EYA1: variants seen among roughly 807,000 people sequenced by gnomAD.
EYA1 encodes protein phosphatase EYA1.
In EYA1, 16 loss-of-function variants were observed where a neutral mutation model predicts 82.0. The observed-to-expected ratio is 0.20, with a 90% CI of 0.13 to 0.30. EYA1 has a LOEUF of 0.30. Among genes scored for constraint, EYA1 ranks in the 10% least tolerant of loss-of-function variants. EYA1 has a pLI of 1.00. For synonymous variants in EYA1, 261 were observed against 264.4 expected (o/e 0.99, Z 0.12); for missense variants, 633 against 730.7 (o/e 0.87, Z 1.54).
intron 4 of EYA1, among the ~76,000 whole-genome samples, chr8:71,333,587 T>C (rs777468303): frequency 3.9e-5 from 6 of 152,222 alleles, no homozygotes; most frequent in Non-Finnish European, 7.3e-5. Flanking sequence ...ATTCTGTTTA[T>C]TGGAGGCAGG....
intron 9 of EYA1, among the ~76,000 whole-genome samples, chr8:71,298,604 G>C (rs1819844045): frequency 6.6e-6 from 1 of 152,164 alleles, no homozygotes; most frequent in Non-Finnish European, 1.5e-5. Context: ...ATGTGGGAAA[G>C]CAGAGGCTCA....
At chr8:71,271,164 T>A (rs1403956838) in intron 10 of EYA1, among the ~76,000 whole-genome samples, 3 of 152,216 alleles carry the variant, frequency 2.0e-5, no homozygotes, top group African/African-American at 7.2e-5. Context: ...TTTTTGTGGA[T>A]ACTAGGTGTA....
chr8:71,246,227 T>C (rs1471374909), intron 11 of EYA1, among the ~76,000 whole-genome samples: 2 of 152,326 alleles, frequency 1.3e-5, no homozygotes, highest in East Asian at 1.9e-4. Flanking sequence ...CAATAATTTA[T>C]GATATACTAT....
At chr8:71,271,018 G>A (rs2128950192) in intron 10 of EYA1, among the ~76,000 whole-genome samples, 1 of 152,280 alleles carries the variant, frequency 6.6e-6, no homozygotes, top group South Asian at 2.1e-4. Context: ...GGCTGGGGCA[G>A]AAGAATCGCT....
intron 2 of EYA1, among the ~76,000 whole-genome samples, chr8:71,505,591 G>C (rs1464815257): frequency 6.6e-6 from 1 of 152,164 alleles, no homozygotes; most frequent in Non-Finnish European, 1.5e-5. Context: ...CAGCAGCAGA[G>C]TTTGCCACCC....
intron 4 of EYA1, among the ~76,000 whole-genome samples, chr8:71,329,804 G>A (rs1428760947): frequency 6.6e-6 from 1 of 152,154 alleles, no homozygotes; most frequent in Non-Finnish European, 1.5e-5. Flanking sequence ...GGTGGGGTGA[G>A]AGTCCAAAAC....
chr8:71,509,458 GA>G (rs1375116172), intron 2 of EYA1, among the ~76,000 whole-genome samples: 2 of 152,074 alleles, frequency 1.3e-5, no homozygotes, highest in African/African-American at 4.8e-5. Flanking sequence ...AGCTACTTTA[GA>G]AAGCATGCTT....
intron 11 of EYA1, among the ~76,000 whole-genome samples, chr8:71,251,660 A>G (rs938567768): frequency 1.3e-5 from 2 of 152,166 alleles, no homozygotes; most frequent in Non-Finnish European, 2.9e-5. Context: ...ACCAGGAATA[A>G]AACAATTGTT....
intron 2 of EYA1, among the ~76,000 whole-genome samples, chr8:71,387,484 G>A (rs182813281): frequency 6.6e-6 from 1 of 152,032 alleles, no homozygotes; most frequent in Non-Finnish European, 1.5e-5. Context: ...TGAGAGAGAC[G>A]GACTTAGACC....
At chr8:71,525,544 A>T (rs1403082156) in intron 2 of EYA1, among the ~76,000 whole-genome samples, 4 of 152,212 alleles carry the variant, frequency 2.6e-5, no homozygotes, top group African/African-American at 9.6e-5. Context: ...AATTTCATGT[A>T]TTCATGTACA....
At chr8:71,270,391 G>T (rs1257785999) in intron 10 of EYA1, among the ~76,000 whole-genome samples, 2 of 152,114 alleles carry the variant, frequency 1.3e-5, no homozygotes, top group Non-Finnish European at 1.5e-5. Flanking sequence ...AGTCTTTAGG[G>T]TATAGATATT....
chr8:71,299,651 T>G lies in EYA1; in HGVS notation c.626A>C (p.Asn209Thr). 1 of 1,580,246 alleles carries G rather than the reference T, an allele frequency of 6.3e-7. No individual in the cohort carries two copies. Reference sequence around the variant, plus strand: ...TTTTTAAATTACCTGCTGTGAACTATTAAATCCAGAGGAATTTGTGAGTGA... The same window carrying G: ...TTTTTAAATTACCTGCTGTGAACTAGTAAATCCAGAGGAATTTGTGAGTGA... ...NNSLTNSSGF[N>T]SSQQDYPSYP... Residue 209 changes from asparagine (N) to threonine (T), a missense_variant, in exon 8 of 18, where the codon AAT (asparagine) becomes ACT (threonine). Asn to Thr is a moderately conservative substitution (Grantham distance 65, BLOSUM62 0). Coordinates refer to ENST00000340726, the MANE Select transcript of EYA1 (RefSeq NM_000503.6).
At chr8:71,280,937 T>G (rs374398106) in intron 9 of EYA1, among the ~76,000 whole-genome samples, 69 of 152,256 alleles carry the variant, frequency 4.5e-4, no homozygotes, top group African/African-American at 1.6e-3. Flanking sequence ...TTTGTAATTT[T>G]TATACAGATG....
intron 2 of EYA1, among the ~76,000 whole-genome samples, chr8:71,454,199 T>C (rs1272272176): frequency 6.6e-6 from 1 of 152,176 alleles, no homozygotes; most frequent in African/African-American, 2.4e-5. Flanking sequence ...GGTAATGGGA[T>C]CAATTCAACA....
intron 11 of EYA1, among the ~76,000 whole-genome samples, chr8:71,255,428 C>A (rs913355984): frequency 1.3e-4 from 20 of 152,040 alleles, no homozygotes; most frequent in African/African-American, 4.8e-4. Context: ...AGAGAGAGAC[C>A]AGAAATAAGC....
intron 2 of EYA1, among the ~76,000 whole-genome samples, chr8:71,450,024 G>C (rs1430233755): frequency 6.6e-6 from 1 of 152,142 alleles, no homozygotes; most frequent in East Asian, 1.9e-4. Context: ...TTAGGGCCTT[G>C]TTCTAGAGTA....
chr8:71,211,262 G>C lies in EYA1; in HGVS notation c.1598-6C>G. 1 of 1,572,702 alleles carries C rather than the reference G, an allele frequency of 6.4e-7. No homozygotes were observed. Among genetic ancestry groups the C allele is most frequent in the Non-Finnish European group, 8.7e-7 (1 of 1,143,002 alleles). On this transcript the variant is annotated splice_polypyrimidine_tract_variant and splice_region_variant and intron_variant, in intron 16 of 17. Transcript: ENST00000340726. The stretch of plus-strand genomic sequence containing the variant: ...CTCAAAACAGCTTTCTTTTCCTAGT[G>C]AACAAAAATAAATGATAGAAAATGT...
At chr8:71,535,797 T>C (rs1463984832) in exon 2 of EYA1, 12 of 1,498,952 alleles carry the variant, frequency 8.0e-6, no homozygotes, top group Admixed American at 6.4e-5. Context: ...TTCTGAATTA[T>C]GTATGGGCTA....
chr8:71,499,079 G>T (rs1811628152), intron 2 of EYA1, among the ~76,000 whole-genome samples: 1 of 152,160 alleles, frequency 6.6e-6, no homozygotes, highest in African/African-American at 2.4e-5. Flanking sequence ...ATCAACGAGG[G>T]TGTGTCTGGG....
Sources: allele counts gnomAD v4.1 joint callset (sites outside exome capture counted in the v4.1 genomes callset), GRCh38; gene constraint gnomAD v4.1.1; transcripts MANE v1.5; gene names NCBI Gene and HGNC (gene_info 2026-07-23, HGNC 2026-07-21).